The following SLC3A1 variants were observed in gnomAD, a reference collection of about 807,000 sequenced individuals.
The protein encoded by SLC3A1 is amino acid transporter heavy chain SLC3A1.
Under a neutral mutation model 60.3 loss-of-function variants are expected in SLC3A1, and 78 were observed. That is an observed-to-expected ratio of 1.29 (90% CI 1.08 to 1.56). The LOEUF is 1.56. Ranked by LOEUF, SLC3A1 falls within the 40% of genes most tolerant of loss-of-function variation. SLC3A1 has a pLI of 0.00. For missense variants in SLC3A1, 1,172 were observed against 858.9 expected, an observed-to-expected ratio of 1.36 and a Z score of -4.56; for synonymous variants, 392 against 307.9, an observed-to-expected ratio of 1.27 and a Z score of -2.86.
At chr2:44,281,325 C>G (rs1016324539) in intron 2 of SLC3A1, 62 bp from the exon 3 acceptor site, 1 of 1,432,914 alleles carries the variant, frequency 7.0e-7, no homozygotes, top group East Asian at 2.3e-5. Context: ...CTGTGCCTGG[C>G]CTGTCATATG....
intron 4 of SLC3A1, among the ~76,000 whole-genome samples, chr2:44,288,411 C>G (rs1671665318): frequency 6.6e-6 from 1 of 152,000 alleles, no homozygotes; most frequent in Non-Finnish European, 1.5e-5. Context: ...TTTCTTCCCC[C>G]ACCCCCTGGG....
chr2:44,312,679 C>T lies in SLC3A1; in HGVS notation c.1426C>T (p.Pro476Ser). ...GCTTCTTTTCACACTCCCTGGAACT[C>T]CTATAACTTACTATGGAGAAGAAAT... The part of the protein sequence containing the change: ...NMLLFTLPGT[P>S]ITYYGEEIGM... The change falls in exon 8 of 10, where the codon CCT becomes TCT. Residue 476 changes from proline to serine, a missense_variant. Transcript: ENST00000260649. 1.2e-6 allele frequency: 2 copies of T among 1,613,684 alleles called. No homozygotes were observed. Among genetic ancestry groups the T allele is most frequent in the East Asian group, 4.5e-5 (2 of 44,874 alleles).
chr2:44,305,964 C>T (rs1285524467), intron 7 of SLC3A1, among the ~76,000 whole-genome samples: 3 of 152,120 alleles, frequency 2.0e-5, no homozygotes, highest in East Asian at 3.9e-4. Context: ...CACAATTCCA[C>T]GATGTCTGCT....
intron 8 of SLC3A1, among the ~76,000 whole-genome samples, chr2:44,313,246 G>C (rs1327692261): frequency 6.6e-6 from 1 of 152,136 alleles, no homozygotes; most frequent in Admixed American, 6.6e-5. Flanking sequence ...GAGTTAAGCA[G>C]TTTTTATTTT....
At chr2:44,279,348 C>A (rs1158897379) in intron 1 of SLC3A1, among the ~76,000 whole-genome samples, 1 of 152,138 alleles carries the variant, frequency 6.6e-6, no homozygotes, top group Non-Finnish European at 1.5e-5. Context: ...TCCCTCCTTT[C>A]CTTTGCTGTG....
intron 4 of SLC3A1, among the ~76,000 whole-genome samples, chr2:44,286,378 C>T (rs1420436468): frequency 2.6e-5 from 4 of 152,222 alleles, no homozygotes; most frequent in East Asian, 1.9e-4. Context: ...CAAATGTAGA[C>T]TCTCAGACAT....
rs534470789 is a variant in SLC3A1, at chr2:44,304,177, G to C, written c.1171G>C (p.Asp391His). Reference protein sequence around the residue: ...MGTEAYAESIDRTVMYYGLPF... With the variant: ...MGTEAYAESIHRTVMYYGLPF... ...GACTGAAGCCTATGCAGAGAGTATT[G>C]ACAGGACCGTGATGTACTATGGATT... is the stretch of plus-strand genomic sequence containing the variant. The change falls in exon 7 of 10, where the codon GAC (aspartate) becomes CAC (histidine). Residue 391 changes from aspartate (D) to histidine (H), a missense_variant. Transcript: ENST00000260649. The C allele has an allele frequency of 1.2e-6, 2 of 1,614,108 alleles. No homozygotes were observed. Among genetic ancestry groups the C allele is most frequent in the Non-Finnish European group, 1.7e-6 (2 of 1,179,988 alleles).
chr2:44,321,523 T>C (rs1672943228), downstream of SLC3A1: 10 of 1,557,474 alleles, frequency 6.4e-6, no homozygotes, highest in Non-Finnish European at 8.7e-6. Context: ...TCTTTATCTA[T>C]CCATCTTTAC....
At chr2:44,298,091 C>T (rs912055548) in intron 4 of SLC3A1, among the ~76,000 whole-genome samples, 4 of 152,144 alleles carry the variant, frequency 2.6e-5, no homozygotes, top group Non-Finnish European at 1.5e-5. Flanking sequence ...CGGGTATATA[C>T]CTATGCGTGA....
chr2:44,304,473 GCCTGTC>G (rs1672101955), intron 7 of SLC3A1, 135 bp downstream of exon 7: 1 of 721,120 alleles, frequency 1.4e-6, no homozygotes, highest in Non-Finnish European at 2.5e-6. Flanking sequence ...CAGTGGTCAG[GCCTGTC>G]ACAGCCTCTG....
intron 7 of SLC3A1, among the ~76,000 whole-genome samples, chr2:44,305,594 A>G (rs912774248): frequency 2.6e-5 from 4 of 151,432 alleles, no homozygotes; most frequent in African/African-American, 9.7e-5. Context: ...TGCCTGGCTA[A>G]TTTTTTTATT....
intron 4 of SLC3A1, among the ~76,000 whole-genome samples, chr2:44,297,352 G>C (rs910378786): frequency 1.2e-4 from 18 of 152,064 alleles, no homozygotes; most frequent in Non-Finnish European, 1.8e-4. Flanking sequence ...TGCTTTTCAC[G>C]GTCACCTGGT....
downstream of SLC3A1, chr2:44,321,966 C>A: frequency 6.8e-7 from 1 of 1,460,260 alleles, no homozygotes; most frequent in South Asian, 1.3e-5. Flanking sequence ...GATCGAGACC[C>A]ATTCCTCCCC....
chr2:44,281,598 A>T, intron 3 of SLC3A1, 57 bp downstream of exon 3: 1 of 1,532,054 alleles, frequency 6.5e-7, no homozygotes, highest in Admixed American at 1.7e-5. Flanking sequence ...GTAGTGATTG[A>T]ACTGATTTAG....
rs751948662 is a variant in SLC3A1 at position 44,320,918 on chromosome 2, C to T, written c.*279C>T. ...ACCCCAGATTATTCAAAAACTTTAA[C>T]GAATTTTAAGGGGAAGAATTTTATC... On this transcript the variant is annotated 3_prime_UTR_variant, in exon 10 of 10. Coordinates refer to ENST00000260649, the MANE Select transcript of SLC3A1 (RefSeq NM_000341.4). 47 of 443,082 alleles carry T rather than the reference C, an allele frequency of 1.1e-4. No individual in the cohort carries two copies. Among genetic ancestry groups the T allele is most frequent in the Non-Finnish European group, 1.8e-4 (44 of 245,658 alleles). 27.4% of individuals were successfully genotyped at this position (443,082 alleles called of 1,614,324 possible).
At chr2:44,320,054 C>G (rs1672792372) in intron 9 of SLC3A1, 145 bp from the exon 10 acceptor site, 1 of 652,184 alleles carries the variant, frequency 1.5e-6, no homozygotes, top group Admixed American at 2.8e-5. Flanking sequence ...TTCTTACCTA[C>G]TTATTGATGC....
intron 4 of SLC3A1, among the ~76,000 whole-genome samples, chr2:44,291,759 T>G (rs1445084322): frequency 2.0e-5 from 3 of 152,132 alleles, no homozygotes; most frequent in Admixed American, 2.0e-4. Flanking sequence ...CATACCAACT[T>G]GTACTCCTGG....
chr2:44,312,622 T>C lies in SLC3A1; in HGVS notation c.1369T>C (p.Leu457=), dbSNP rs1359365068. ...GPDSSRLTSR[L]GNQYVNVMNM... ...AGACAGTTCACGGCTGACTTCGCGTTTGGGGAATCAGTATGTCAACGTGAT... is the reference window on the plus strand; with the variant it reads ...AGACAGTTCACGGCTGACTTCGCGTCTGGGGAATCAGTATGTCAACGTGAT... The change falls in exon 8 of 10, where the codon TTG becomes CTG. Residue 457 remains leucine (L), a synonymous_variant. Coordinates refer to ENST00000260649, the MANE Select transcript of SLC3A1 (RefSeq NM_000341.4). 1 of 1,613,912 alleles carries C rather than the reference T, an allele frequency of 6.2e-7. No homozygotes were observed. The highest frequency in any genetic ancestry group is 8.5e-7 in the Non-Finnish European group (1 of 1,179,914).
chr2:44,287,653 C>A (rs988588435), intron 4 of SLC3A1, among the ~76,000 whole-genome samples: 5 of 152,018 alleles, frequency 3.3e-5, no homozygotes, highest in Non-Finnish European at 7.4e-5. Context: ...GAGGTGGGGG[C>A]TGATCATTTC....
Sources: gnomAD v4.1 joint callset for allele counts (sites outside exome capture counted in the v4.1 genomes callset) on GRCh38, gnomAD v4.1.1 for gene constraint, MANE v1.5 for transcripts, NCBI Gene and HGNC (gene_info 2026-07-23, HGNC 2026-07-21) for gene names.